The following POLG variants were observed in gnomAD, a reference collection of about 807,000 sequenced individuals.
The protein encoded by POLG is DNA polymerase subunit gamma-1.
In POLG, 110 loss-of-function variants were observed where a neutral mutation model predicts 155.4. The ratio of observed to expected loss-of-function variants is 0.71; its 90% confidence interval spans 0.61 to 0.83. POLG has a LOEUF of 0.83. POLG is among the 40% of genes least tolerant of loss of function. POLG has a pLI of 0.00. For synonymous variants in POLG, 701 were observed against 631.5 expected (o/e 1.11, Z -1.65); for missense variants, 1,685 against 1,627.5 (o/e 1.04, Z -0.61).
At chr15:89,332,984 C>A (rs2055614055) in intron 2 of POLG, 112 bp downstream of exon 2, 3 of 1,401,156 alleles carry the variant, frequency 2.1e-6, no homozygotes, top group Non-Finnish European at 2.9e-6. Context: ...CACATCAGCG[C>A]TCCCTACGTG....
In POLG at chr15:89,333,611, C is replaced by G. The variant is rs763968001; in HGVS notation, c.144G>C (p.Gln48His). 6.9e-6 allele frequency: 11 copies of G among 1,599,004 alleles called. No homozygotes were observed. The highest frequency in any genetic ancestry group is 9.4e-6 in the Non-Finnish European group (11 of 1,174,686). The change falls in exon 2 of 23, where the codon CAG (glutamine) becomes CAC (histidine). Residue 48 changes from glutamine (Q) to histidine (H), a missense_variant. By Grantham distance (24) the Gln-to-His change is conservative. Transcript: ENST00000268124. The part of the protein sequence containing the change: ...GQRRRQQQQQ[Q>H]QQQQQQQPQQ... ...GAGGCTGCTGTTGCTGCTGCTGCTGCTGCTGCTGCTGCTGCTGCCGCCGCC... is the reference window on the plus strand; with the variant it reads ...GAGGCTGCTGTTGCTGCTGCTGCTGGTGCTGCTGCTGCTGCTGCCGCCGCC...
At position 89,316,696 on chromosome 15, in the gene POLG, C is replaced by T. The variant is rs2055276854; in HGVS notation, c.*55G>A. Reference sequence around the variant, plus strand: ...ACAGCTGAAAGCCTGAGTTTGGGAGCCTGCACCACCCCGATGAAGCTCCAC... The same window carrying T: ...ACAGCTGAAAGCCTGAGTTTGGGAGTCTGCACCACCCCGATGAAGCTCCAC... On this transcript the variant is annotated 3_prime_UTR_variant, in exon 23 of 23. Transcript: ENST00000268124. 1.4e-6 allele frequency: 2 copies of T among 1,422,100 alleles called. No individual in the cohort carries two copies. The highest frequency in any genetic ancestry group is 1.4e-5 in the African/African-American group (1 of 70,328). The allele number at this position is 1,422,100 out of a possible 1,614,324, so 88.1% of individuals were successfully genotyped here. A position where few individuals can be genotyped will look rare whatever the true frequency, so the allele number is the denominator to read the frequency against.
intron 11 of POLG, 50 bp from the exon 12 acceptor site, chr15:89,323,951 C>G (rs1384195941): frequency 6.5e-7 from 1 of 1,544,192 alleles, no homozygotes; most frequent in South Asian, 1.1e-5. Context: ...TGGGTAGGCC[C>G]CAATCCACCA....
rs562247771 is a variant in POLG, at chr15:89,328,403, G to A, written c.1250+53C>T. The A allele has an allele frequency of 1.2e-4, 169 of 1,415,282 alleles. No individual in the cohort carries two copies. The East Asian group carries it at 3.0e-3, about 25-fold the overall frequency. 87.7% of individuals were successfully genotyped at this position (1,415,282 alleles called of 1,614,324 possible). On this transcript the variant is annotated intron_variant, in intron 6 of 22. Transcript: ENST00000268124. ...AGCGCCACCTGATTACAGTGGGCCCGGGTACCAGGAACACACTGACCCCCA... is the reference window on the plus strand; with the variant it reads ...AGCGCCACCTGATTACAGTGGGCCCAGGTACCAGGAACACACTGACCCCCA...
intron 16 of POLG, 101 bp from the exon 17 acceptor site, chr15:89,321,361 T>TCTC: frequency 1.5e-6 from 2 of 1,354,604 alleles, no homozygotes; most frequent in Non-Finnish European, 2.1e-6. Flanking sequence ...GGGGATGGCT[T>TCTC]TAGAGAATGC....
chr15:89,327,252 C>T lies in POLG; in HGVS notation c.1348G>A (p.Gly450Ser), dbSNP rs777315421. Residue 450 changes from glycine (G) to serine (S), a missense_variant, in exon 7 of 23, where the codon GGC becomes AGC. Transcript: ENST00000268124. The stretch of plus-strand genomic sequence containing the variant: ...TCCCGCTGGAGCTCCTCATAAGTGC[C>T]CTGTGCCTCTGCCAGGTAACGCTCC... ...NWERYLAEAQ[G>S]TYEELQREMK... The T allele has an allele frequency of 6.2e-7, 1 of 1,614,210 alleles. No homozygotes were observed. The highest frequency in any genetic ancestry group is 1.1e-5 in the South Asian group (1 of 91,086).
Position 89,321,777 on chromosome 15 carries a change from G to C in POLG, c.2557C>G (p.Arg853Gly). Reference sequence around the variant, plus strand: ...GTGAGCCATGTGGGCTCCACAGCCCGGCGAGTGATGGTGCCGGCAGTCACC... The same window carrying C: ...GTGAGCCATGTGGGCTCCACAGCCCCGCGAGTGATGGTGCCGGCAGTCACC... ...QVVTAGTITR[R>G]AVEPTWLTAS... Residue 853 changes from arginine to glycine, a missense_variant, in exon 16 of 23, where the codon CGG becomes GGG. Physicochemically the swap from Arg to Gly is moderately radical, Grantham distance 125. Transcript: ENST00000268124. The C allele has an allele frequency of 6.2e-7, 1 of 1,614,116 alleles. No homozygotes were observed. Among genetic ancestry groups the C allele is most frequent in the Non-Finnish European group, 8.5e-7 (1 of 1,179,998 alleles).
chr15:89,325,219 TGAGA>T lies in POLG; in HGVS notation c.1949+227_1949+230del, dbSNP rs772903933. 0.02 allele frequency among the ~76,000 whole-genome samples: 784 copies of T among 40,036 alleles called. 108 individuals are homozygous for T. The highest frequency in any genetic ancestry group is 0.12 in the East Asian group (208 of 1,764). 26.3% of individuals were successfully genotyped at this position (40,036 alleles called of 152,430 possible). The stretch of plus-strand genomic sequence containing the variant: ...GAGAGTGAGTGAGAGAGTGAGTGAG[TGAGA>T]GAGTGAGTGAGAGAGTGAGTGAGTG... On this transcript the variant is annotated intron_variant, in intron 10 of 22. Transcript: ENST00000268124.
At position 89,329,111 on chromosome 15, in the gene POLG, C is replaced by A. The variant is rs1468115538; in HGVS notation, c.856-1G>T. On this transcript the variant is annotated splice_acceptor_variant, in intron 3 of 22. Transcript: ENST00000268124. LOFTEE classifies it high-confidence loss of function. ...TGTCCAGGAAACGCATGCGGGAACC[C>A]TGAGGAGGAGGAGGAGAAAAGGGAA... The A allele has an allele frequency of 6.2e-7, 1 of 1,610,962 alleles. No homozygotes were observed. Among genetic ancestry groups the A allele is most frequent in the Non-Finnish European group, 8.5e-7 (1 of 1,179,760 alleles).
At chr15:89,319,432 C>T (rs2152059933) in intron 18 of POLG, 82 bp from the exon 19 acceptor site, 1 of 1,574,236 alleles carries the variant, frequency 6.4e-7, no homozygotes, top group South Asian at 1.1e-5. Context: ...GTTCACATAT[C>T]ACTTCAACTT....
At chr15:89,316,951 G>A (rs186201462) in intron 22 of POLG, 124 bp from the exon 23 acceptor site, 29 of 752,978 alleles carry the variant, frequency 3.9e-5, no homozygotes, top group Admixed American at 1.5e-4. Flanking sequence ...CAATTGCCAC[G>A]AACGGTAATG....
intron 2 of POLG, among the ~76,000 whole-genome samples, chr15:89,332,581 G>A (rs559243518): frequency 7.4e-6 from 1 of 134,474 alleles, no homozygotes; most frequent in Admixed American, 8.1e-5. Flanking sequence ...TCAAGGGGGC[G>A]TCTGGAAACG....
chr15:89,325,398 G>C (rs1010155722), intron 10 of POLG, 52 bp downstream of exon 10: 1 of 1,306,742 alleles, frequency 7.7e-7, no homozygotes, highest in Non-Finnish European at 1.1e-6. Flanking sequence ...GACCAGCCAG[G>C]GGAAGGGGTC....
At chr15:89,323,005 T>C in intron 13 of POLG, 103 bp from the exon 14 acceptor site, 1 of 1,198,088 alleles carries the variant, frequency 8.3e-7, no homozygotes, top group Non-Finnish European at 1.2e-6. Context: ...GCCCAGAACC[T>C]CAGCAGTCTG....
intron 14 of POLG, among the ~76,000 whole-genome samples, chr15:89,322,255 G>C (rs3176207): frequency 2.0e-5 from 3 of 152,076 alleles, no homozygotes; most frequent in Non-Finnish European, 2.9e-5. Context: ...GCTCCTCTCC[G>C]GGGGGCATCC....
chr15:89,324,202 G>A lies in POLG; in HGVS notation c.1975C>T (p.His659Tyr), dbSNP rs759084684. Residue 659 changes from histidine to tyrosine, a missense_variant, in exon 11 of 23, where the codon CAC becomes TAC. Physicochemically the swap from His to Tyr is moderately conservative, Grantham distance 83 (BLOSUM62 2). Around this residue, in one of 3 missense-constraint regions of POLG, gnomAD observed 1,210 missense variants for 1,167.1 expected, o/e 1.04. Coordinates refer to ENST00000268124, the MANE Select transcript of POLG (RefSeq NM_002693.3). ...TGCTGCTTCCCCTGTTCGAGACAGT[G>A]CTTCCTGTACAGGGACTCGATGGCT... is the stretch of plus-strand genomic sequence containing the variant. ...YRAIESLYRK[H>Y]CLEQGKQQLM... 1.2e-6 allele frequency: 2 copies of A among 1,613,422 alleles called. No homozygotes were observed. Among genetic ancestry groups the A allele is most frequent in the South Asian group, 2.2e-5 (2 of 91,088 alleles).
At chr15:89,321,037 A>G in intron 17 of POLG, 25 bp from the exon 18 acceptor site, 1 of 1,614,142 alleles carries the variant, frequency 6.2e-7, no homozygotes, top group African/African-American at 1.3e-5. Flanking sequence ...GGAGTGAGAA[A>G]AGCAGCTCAG....
chr15:89,323,124 C>A (rs982596020), intron 13 of POLG, among the ~76,000 whole-genome samples: 9 of 152,232 alleles, frequency 5.9e-5, no homozygotes, highest in Non-Finnish European at 8.8e-5. Flanking sequence ...TGGCTCCCTG[C>A]ATAATAACAA....
chr15:89,317,441 A>G lies in POLG; in HGVS notation c.3578T>C (p.Val1193Ala). The change falls in exon 22 of 23, where the codon GTG becomes GCG. Residue 1193 changes from valine to alanine, a missense_variant. By Grantham distance (64) the Val-to-Ala change is moderately conservative. Transcript: ENST00000268124. ...VDIDRCLRKEVTMDCKTPSNP... is the reference protein window; with the variant it reads ...VDIDRCLRKEATMDCKTPSNP... ...GGAAGGGGTTTTACAATCCATGGTC[A>G]CTTCCTTCCTGAGGCACCGGTCAAT... 2 of 1,614,008 alleles carry G rather than the reference A, an allele frequency of 1.2e-6. No homozygotes were observed. The highest frequency in any genetic ancestry group is 1.7e-6 in the Non-Finnish European group (2 of 1,179,934).
Sources: gnomAD v4.1 joint callset for allele counts (sites outside exome capture counted in the v4.1 genomes callset) on GRCh38, gnomAD v4.1.1 for gene constraint, gnomAD v4.1.1 regional missense constraint, MANE v1.5 for transcripts, NCBI Gene and HGNC (gene_info 2026-07-23, HGNC 2026-07-21) for gene names.